The following KAZN variants were observed in gnomAD, a reference collection of about 807,000 sequenced individuals.
The protein encoded by KAZN is kazrin, periplakin interacting protein, also known as kazrin.
A neutral mutation model predicts 87.4 loss-of-function variants in KAZN; 40 were observed. The ratio of observed to expected loss-of-function variants is 0.46; its 90% CI spans 0.36 to 0.60. KAZN has a LOEUF of 0.60. Ranked by LOEUF, KAZN falls within the 20% of genes least tolerant of loss-of-function variation. KAZN has a pLI of 0.00. For missense variants in KAZN, 898 were observed against 1,073.9 expected (o/e 0.84, Z 2.29); for synonymous variants, 466 against 458.3 (o/e 1.02, Z -0.22).
At chr1:15,048,611 G>A (rs1022003803) in intron 4 of KAZN, among the ~76,000 whole-genome samples, 6 of 132,694 alleles carry the variant, frequency 4.5e-5, no homozygotes, top group Admixed American at 7.0e-5. Context: ...GTCCTGGGTC[G>A]CTGGTCCTGG....
chr1:14,636,119 A>G (rs72865009), intron 1 of KAZN, among the ~76,000 whole-genome samples: 11,010 of 152,202 alleles, frequency 0.072, 1,228 homozygotes, highest in African/African-American at 0.24. Flanking sequence ...GGGTGTCAGT[A>G]GAGCCCAGGC....
At chr1:14,834,812 TA>T (rs1185463021) in intron 1 of KAZN, among the ~76,000 whole-genome samples, 9 of 96,916 alleles carry the variant, frequency 9.3e-5, no homozygotes, top group African/African-American at 5.9e-4. Flanking sequence ...GGGGAATTAT[TA>T]GTATTAGTAT....
At chr1:14,245,809 C>T (rs1322601370) in intron 2 of KAZN, among the ~76,000 whole-genome samples, 1 of 152,116 alleles carries the variant, frequency 6.6e-6, no homozygotes, top group African/African-American at 2.4e-5. Context: ...TTCCATTTGA[C>T]CCAGCAATCT....
At chr1:13,982,567 G>C (rs531349418) in intron 1 of KAZN, among the ~76,000 whole-genome samples, 2 of 152,266 alleles carry the variant, frequency 1.3e-5, no homozygotes, top group South Asian at 2.1e-4. Flanking sequence ...CTGCTGGCTC[G>C]GGCAGCCTGC....
intron 1 of KAZN, among the ~76,000 whole-genome samples, chr1:13,927,253 G>A (rs1161017928): frequency 6.6e-6 from 1 of 152,190 alleles, no homozygotes; most frequent in African/African-American, 2.4e-5. Flanking sequence ...TCCTAGTGCA[G>A]TTGGAGAAGA....
intron 1 of KAZN, among the ~76,000 whole-genome samples, chr1:14,652,270 T>C (rs1638428108): frequency 6.6e-6 from 1 of 152,148 alleles, no homozygotes; most frequent in Non-Finnish European, 1.5e-5. Flanking sequence ...AAAAGTTGTG[T>C]GATATTTTTA....
intron 2 of KAZN, among the ~76,000 whole-genome samples, chr1:14,424,004 C>T (rs562846189): frequency 2.6e-5 from 4 of 152,194 alleles, no homozygotes; most frequent in African/African-American, 9.6e-5. Flanking sequence ...CCCCTGGATA[C>T]ATATGTGCCT....
chr1:14,007,750 T>C (rs766540845), intron 1 of KAZN, among the ~76,000 whole-genome samples: 2 of 152,214 alleles, frequency 1.3e-5, no homozygotes, highest in Non-Finnish European at 2.9e-5. Context: ...TCTGCTTTTG[T>C]AGTCATGGAC....
intron 2 of KAZN, among the ~76,000 whole-genome samples, chr1:14,514,855 G>A (rs1020771028): frequency 6.6e-6 from 1 of 151,798 alleles, no homozygotes; most frequent in Middle Eastern, 3.2e-3. Flanking sequence ...TTCCATACAG[G>A]ACACTGTTTT....
chr1:14,692,045 G>A (rs981176363), intron 1 of KAZN: 11 of 199,778 alleles, frequency 5.5e-5, no homozygotes, highest in African/African-American at 1.1e-4. Flanking sequence ...ACACAGTAGT[G>A]GTAAAAAAAA....
At chr1:14,876,589 T>C (rs1652793848) in intron 1 of KAZN, among the ~76,000 whole-genome samples, 1 of 152,184 alleles carries the variant, frequency 6.6e-6, no homozygotes, top group African/African-American at 2.4e-5. Context: ...AGTCTCACTC[T>C]GCCCCTTACC....
At chr1:14,528,424 T>A (rs1378915612) in intron 2 of KAZN, among the ~76,000 whole-genome samples, 1 of 151,214 alleles carries the variant, frequency 6.6e-6, no homozygotes, top group East Asian at 1.9e-4. Flanking sequence ...TGACCTCTAG[T>A]TCTAGTTCTT....
intron 4 of KAZN, among the ~76,000 whole-genome samples, chr1:15,054,621 C>T (rs898303999): frequency 4.0e-5 from 6 of 150,308 alleles, no homozygotes; most frequent in South Asian, 2.1e-4. Flanking sequence ...CACTGCACTC[C>T]GGCCTGGGCA....
At chr1:14,977,275 G>T (rs890864720) in intron 2 of KAZN, among the ~76,000 whole-genome samples, 5 of 152,206 alleles carry the variant, frequency 3.3e-5, no homozygotes, top group Non-Finnish European at 7.3e-5. Flanking sequence ...AAGCAAGGCT[G>T]GGAAAAGAGG....
intron 2 of KAZN, among the ~76,000 whole-genome samples, chr1:14,515,436 C>T (rs763920569): frequency 1.3e-4 from 20 of 152,176 alleles, no homozygotes; most frequent in Admixed American, 6.5e-5. Context: ...GACATGGAAG[C>T]GGCTGTCAGT....
chr1:14,886,481 G>C (rs1557589747), intron 1 of KAZN, among the ~76,000 whole-genome samples: 3 of 151,660 alleles, frequency 2.0e-5, no homozygotes, highest in Non-Finnish European at 2.9e-5. Flanking sequence ...GACAGAGAGA[G>C]AGAGACAGAG....
chr1:14,647,471 G>A (rs1205642682), intron 1 of KAZN, among the ~76,000 whole-genome samples: 1 of 152,134 alleles, frequency 6.6e-6, no homozygotes, highest in Admixed American at 6.5e-5. Flanking sequence ...GTTACAGAAG[G>A]ACCAGTAGTG....
intron 1 of KAZN, among the ~76,000 whole-genome samples, chr1:14,889,882 C>T (rs10927567): frequency 0.16 from 24,690 of 152,162 alleles, 2,460 homozygotes; most frequent in African/African-American, 0.28. Context: ...TGGCCCTTTG[C>T]AGAAAAAGCC....
chr1:14,083,126 G>A (rs1643743342), intron 1 of KAZN, among the ~76,000 whole-genome samples: 1 of 152,112 alleles, frequency 6.6e-6, no homozygotes, highest in South Asian at 2.1e-4. Flanking sequence ...AAAAGTCCAG[G>A]CTGTCCCCAG....
Sources: gnomAD v4.1 joint callset for allele counts (sites outside exome capture counted in the v4.1 genomes callset) on GRCh38, gnomAD v4.1.1 for gene constraint, MANE v1.5 for transcripts, NCBI Gene and HGNC (gene_info 2026-07-23, HGNC 2026-07-21) for gene names.